COG5: variants seen among roughly 807,000 people sequenced by gnomAD.
The protein encoded by COG5 is component of oligomeric golgi complex 5.
COG5 carries 86 observed loss-of-function variants against 110.4 expected under a neutral mutation model. The observed-to-expected ratio is 0.78, with a 90% CI of 0.65 to 0.93. The LOEUF (loss-of-function observed/expected upper bound fraction) is 0.93. Ranked by LOEUF, COG5 falls within the 40% of genes least tolerant of loss-of-function variation. The pLI is 0.00. For synonymous variants in COG5, 360 were observed against 334.6 expected (o/e 1.08, Z -0.83); for missense variants, 1,077 against 987.0 (o/e 1.09, Z -1.22).
At chr7:107,548,419 T>C (rs973651400) in intron 3 of COG5, 87 bp from the exon 4 acceptor site, 26 of 1,247,368 alleles carry the variant, frequency 2.1e-5, no homozygotes, top group Non-Finnish European at 3.1e-5. Context: ...AATACATGCA[T>C]ATATAATTTT....
intron 6 of COG5, among the ~76,000 whole-genome samples, chr7:107,427,426 T>A (rs1345626310): frequency 1.3e-5 from 2 of 152,194 alleles, no homozygotes; most frequent in African/African-American, 4.8e-5. Context: ...AACTTGAGAA[T>A]TAAATACATT....
chr7:107,561,082 AAAGT>A (rs760283840), intron 1 of COG5, among the ~76,000 whole-genome samples: 3 of 152,226 alleles, frequency 2.0e-5, no homozygotes, highest in Non-Finnish European at 2.9e-5. Context: ...AGGGATAAAG[AAAGT>A]AAGTATTAGT....
intron 16 of COG5, among the ~76,000 whole-genome samples, chr7:107,251,693 G>A (rs1802517563): frequency 6.6e-6 from 1 of 152,022 alleles, no homozygotes; most frequent in African/African-American, 2.4e-5. Context: ...GTATAACACA[G>A]AAAAATTGCA....
At position 107,474,468 on chromosome 7, in the gene COG5, C is replaced by A; in HGVS notation, c.538+52769G>T. 1 of 1,613,390 alleles carries A rather than the reference C, an allele frequency of 6.2e-7. No individual in the cohort carries two copies. Among genetic ancestry groups the A allele is most frequent in the South Asian group, 1.1e-5 (1 of 91,074 alleles). On this transcript the variant is annotated intron_variant, in intron 6 of 21. Coordinates refer to ENST00000297135, the MANE Select transcript of COG5 (RefSeq NM_006348.5). This position sits in a 1 kb window ranked among gnomAD's most constrained non-coding sequence, Gnocchi z 5.7. ...CAACAGCAATCAACGTTTTTGCTATCACTTTGGACAGATATGACATCTCTG... is the reference window on the plus strand; with the variant it reads ...CAACAGCAATCAACGTTTTTGCTATAACTTTGGACAGATATGACATCTCTG...
chr7:107,560,001 T>C (rs974503894), intron 1 of COG5, among the ~76,000 whole-genome samples: 1 of 152,228 alleles, frequency 6.6e-6, no homozygotes, highest in Non-Finnish European at 1.5e-5. Flanking sequence ...GAAATTGCAC[T>C]ATCAGCTTTA....
chr7:107,384,157 C>G (rs756376441), intron 7 of COG5, among the ~76,000 whole-genome samples: 1 of 152,148 alleles, frequency 6.6e-6, no homozygotes, highest in African/African-American at 2.4e-5. Flanking sequence ...GAGCCTCTGA[C>G]GATGGCTCCT....
chr7:107,554,692 G>T (rs796708953), intron 2 of COG5, among the ~76,000 whole-genome samples: 13 of 152,246 alleles, frequency 8.5e-5, no homozygotes, highest in African/African-American at 3.1e-4. Flanking sequence ...GGCAAATTCA[G>T]CATCTGGTGA....
At chr7:107,482,863 AT>A (rs1250087302) in intron 6 of COG5, among the ~76,000 whole-genome samples, 16 of 152,132 alleles carry the variant, frequency 1.1e-4, no homozygotes, top group South Asian at 4.1e-4. Context: ...CATGGCTACT[AT>A]TTTTCATAAA....
chr7:107,222,010 G>C (rs1431334513), intron 19 of COG5, among the ~76,000 whole-genome samples: 2 of 152,114 alleles, frequency 1.3e-5, no homozygotes, highest in Non-Finnish European at 2.9e-5. Context: ...AGGAAGGAAA[G>C]AAGGGCAGAA....
chr7:107,547,536 A>G (rs1221853114), intron 5 of COG5, among the ~76,000 whole-genome samples: 1 of 152,218 alleles, frequency 6.6e-6, no homozygotes, highest in Non-Finnish European at 1.5e-5. Flanking sequence ...GCCATTAGGC[A>G]AGTGAGAAAT....
Position 107,236,567 on chromosome 7 carries a change from G to C in COG5, c.1974C>G (p.Val658=). Residue 658 remains valine (V), a synonymous_variant, in exon 18 of 22, where the codon GTC becomes GTG. Transcript: ENST00000297135. The part of the protein sequence containing the change: ...YFKHFECLDF[V]FDNTEAIAQR... ...GGGCAATAGCCTCAGTGTTGTCAAA[G>C]ACAAAATCCAAGCATTCAAAGTGTT... The C allele has an allele frequency of 6.2e-7, 1 of 1,614,052 alleles. No individual in the cohort carries two copies. Among genetic ancestry groups the C allele is most frequent in the Non-Finnish European group, 8.5e-7 (1 of 1,179,962 alleles).
chr7:107,512,934 C>A (rs1799636584), intron 6 of COG5, among the ~76,000 whole-genome samples: 2 of 152,016 alleles, frequency 1.3e-5, no homozygotes, highest in African/African-American at 2.4e-5. Flanking sequence ...GACCTAAAAC[C>A]ATAAAAACCC....
intron 6 of COG5, among the ~76,000 whole-genome samples, chr7:107,413,294 T>A (rs917772530): frequency 1.3e-5 from 2 of 152,032 alleles, no homozygotes; most frequent in Admixed American, 6.6e-5. Context: ...GGCCCCAGTA[T>A]TTTTAAAAGC....
chr7:107,328,644 C>T (rs1246701642), intron 10 of COG5, among the ~76,000 whole-genome samples: 1 of 152,040 alleles, frequency 6.6e-6, no homozygotes, highest in Non-Finnish European at 1.5e-5. Flanking sequence ...TTAGTTACTT[C>T]CCTTATTTAA....
In COG5 at chr7:107,236,497, G is replaced by A; in HGVS notation, c.2044C>T (p.Pro682Ser). 2 of 1,614,114 alleles carry A rather than the reference G, an allele frequency of 1.2e-6. No individual in the cohort carries two copies. Among genetic ancestry groups the A allele is most frequent in the Non-Finnish European group, 1.7e-6 (2 of 1,180,002 alleles). Residue 682 changes from proline to serine, a missense_variant, in exon 18 of 22, where the codon CCT (proline) becomes TCT (serine). Pro to Ser is a moderately conservative substitution (Grantham distance 74). Transcript: ENST00000297135. ...CGCATTTTCCCACCTTCACCAAGAG[G>A]TCTTATGAGACTGGCATGGCGGATA... Reference protein sequence around the residue: ...LFIRHASLIRPLGEGGKMRLA... With the variant: ...LFIRHASLIRSLGEGGKMRLA...
At chr7:107,510,243 C>G (rs1799395197) in intron 6 of COG5, among the ~76,000 whole-genome samples, 1 of 151,952 alleles carries the variant, frequency 6.6e-6, no homozygotes, top group South Asian at 2.1e-4. Flanking sequence ...GCAGGGGTTG[C>G]AATCCTAGTC....
rs1016245869 is a variant in COG5, at chr7:107,377,030, C to T, written c.670-4270G>A. 3.3e-5 allele frequency among the ~76,000 whole-genome samples: 5 copies of T among 152,186 alleles called. No homozygotes were observed. In the South Asian group the frequency reaches 6.2e-4, roughly 19 times the overall value. On this transcript the variant is annotated intron_variant, in intron 7 of 21. Transcript: ENST00000297135. Reference sequence around the variant, plus strand: ...TAAAGGAAGACAACTAGTAATTTTACTTCCTTACAATATTCTCATTTTCAT... The same window carrying T: ...TAAAGGAAGACAACTAGTAATTTTATTTCCTTACAATATTCTCATTTTCAT...
intron 7 of COG5, among the ~76,000 whole-genome samples, chr7:107,391,313 C>T (rs555908012): frequency 6.6e-6 from 1 of 152,200 alleles, no homozygotes; most frequent in East Asian, 1.9e-4. Context: ...ATTTATCTGT[C>T]GTTGGGTCAG....
At chr7:107,332,931 GA>G (rs1282143981) in intron 10 of COG5, among the ~76,000 whole-genome samples, 3 of 152,168 alleles carry the variant, frequency 2.0e-5, no homozygotes, top group Non-Finnish European at 4.4e-5. Flanking sequence ...AACTAAGCCT[GA>G]AAAAGAAGCA....
Sources: gnomAD v4.1 joint callset for allele counts (sites outside exome capture counted in the v4.1 genomes callset) on GRCh38, gnomAD v4.1.1 for gene constraint, Gnocchi (gnomAD v3.1) non-coding constraint, MANE v1.5 for transcripts, NCBI Gene and HGNC (gene_info 2026-07-23, HGNC 2026-07-21) for gene names.